The following VTA1 variants were observed in gnomAD, a reference collection of about 807,000 sequenced individuals.
The protein encoded by VTA1 is vacuolar protein sorting-associated protein VTA1 homolog.
A neutral mutation model predicts 36.9 loss-of-function variants in VTA1; 24 were observed. That is an observed-to-expected ratio of 0.65 (90% CI 0.47 to 0.91). The LOEUF (loss-of-function observed/expected upper bound fraction) is 0.91. VTA1 is among the 40% of genes least tolerant of loss of function. The pLI is 0.00. For missense variants in VTA1, 393 were observed against 377.2 expected, an observed-to-expected ratio of 1.04 and a Z score of -0.35; for synonymous variants, 142 against 130.2, an observed-to-expected ratio of 1.09 and a Z score of -0.62.
intron 6 of VTA1, among the ~76,000 whole-genome samples, chr6:142,200,030 C>T (rs528756648): frequency 5.9e-5 from 9 of 152,090 alleles, no homozygotes; most frequent in Non-Finnish European, 1.2e-4. Context: ...GAGTCCCAGA[C>T]ACAAGCATTC....
At position 142,224,026 on chromosome 6, in the gene VTA1, C is replaced by T. The variant is rs1011910140; in HGVS notation, c.*5383C>T. The T allele has an allele frequency of 6.6e-6, 1 of 152,096 alleles. No individual in the cohort carries two copies. The allele number at this position is 152,096 out of a possible 1,614,324, so 9.4% of individuals were successfully genotyped here. The stretch of plus-strand genomic sequence containing the variant: ...GACTAAATTGTATCCCTTCAGAATT[C>T]ATATTTTGAAGCACTGATCTCCAGT... On this transcript the variant is annotated 3_prime_UTR_variant, in exon 8 of 8. Coordinates refer to ENST00000367630, the MANE Select transcript of VTA1 (RefSeq NM_016485.5).
intron 4 of VTA1, among the ~76,000 whole-genome samples, chr6:142,172,686 G>A (rs1480385687): frequency 6.6e-6 from 1 of 152,102 alleles, no homozygotes; most frequent in East Asian, 1.9e-4. Flanking sequence ...TTACTAGTGT[G>A]AGGCACTATG....
At chr6:142,179,351 C>T (rs1387465028) in intron 4 of VTA1, among the ~76,000 whole-genome samples, 2 of 151,766 alleles carry the variant, frequency 1.3e-5, no homozygotes, top group Admixed American at 6.6e-5. Flanking sequence ...CCCTTTTACC[C>T]AGCAATTCCT....
rs530871893 is a variant in VTA1 at position 142,180,198 on chromosome 6, C to T, written c.412-9228C>T. ...GGAACCAGGACTTTCGTAAAAAGTG[C>T]TTAATCTAGGGCTAAGTCCAGGAAG... On this transcript the variant is annotated intron_variant, in intron 4 of 7. Coordinates refer to ENST00000367630, the MANE Select transcript of VTA1 (RefSeq NM_016485.5). 1.2e-4 allele frequency among the ~76,000 whole-genome samples: 18 copies of T among 152,266 alleles called. 2 individuals carry two copies. In the South Asian group the frequency reaches 3.7e-3, roughly 32 times the overall value.
Position 142,218,377 on chromosome 6 carries a change from A to G in VTA1, c.779-121A>G, listed in dbSNP as rs1776041127. 1.4e-5 allele frequency: 15 copies of G among 1,039,150 alleles called. No individual in the cohort carries two copies. In the South Asian group the frequency reaches 2.2e-4, roughly 15 times the overall value. The allele number at this position is 1,039,150 out of a possible 1,614,324, so 64.4% of individuals were successfully genotyped here. On this transcript the variant is annotated intron_variant, in intron 7 of 7. Transcript: ENST00000367630. ...TATCAAAGTTCATGTGAGATTGACT[A>G]AAACTACTGTTTTTACATAGCCTTA... is the stretch of plus-strand genomic sequence containing the variant.
In VTA1 at chr6:142,222,330, C is replaced by G. The variant is rs1161471355; in HGVS notation, c.*3687C>G. The G allele has an allele frequency of 2.0e-5, 3 of 152,150 alleles. No homozygotes were observed. The highest frequency in any genetic ancestry group is 7.2e-5 in the African/African-American group (3 of 41,428). The allele number at this position is 152,150 out of a possible 1,614,324, so 9.4% of individuals were successfully genotyped here. Reference sequence around the variant, plus strand: ...CAGAGGGAGAAGAAGAAATAAGGTTCTGCTGACAATGATTGCCACAGATAT... The same window carrying G: ...CAGAGGGAGAAGAAGAAATAAGGTTGTGCTGACAATGATTGCCACAGATAT... On this transcript the variant is annotated 3_prime_UTR_variant, in exon 8 of 8. Transcript: ENST00000367630.
At chr6:142,172,860 C>T (rs1761920485) in intron 4 of VTA1, among the ~76,000 whole-genome samples, 1 of 151,328 alleles carries the variant, frequency 6.6e-6, no homozygotes, top group African/African-American at 2.4e-5. Context: ...GGAAGACCTA[C>T]AATCTTCAGT....
intron 1 of VTA1, among the ~76,000 whole-genome samples, chr6:142,162,579 TCAAGCCCATTTG>T (rs1464000780): frequency 2.6e-5 from 4 of 152,174 alleles, no homozygotes; most frequent in Non-Finnish European, 5.9e-5. Context: ...AAAGCAAGTA[TCAAGCCCATTTG>T]AGACTGATAA....
At chr6:142,207,617 G>T (rs1239623911) in intron 7 of VTA1, among the ~76,000 whole-genome samples, 1 of 151,874 alleles carries the variant, frequency 6.6e-6, no homozygotes, top group Non-Finnish European at 1.5e-5. Flanking sequence ...GAGCTGAAAA[G>T]GAGGTAGCGA....
intron 4 of VTA1, among the ~76,000 whole-genome samples, chr6:142,175,985 T>A (rs1340558625): frequency 6.6e-6 from 1 of 152,202 alleles, no homozygotes; most frequent in Non-Finnish European, 1.5e-5. Context: ...TTTAATTAAA[T>A]TTGCTGTTAT....
chr6:142,169,705 T>G, intron 3 of VTA1, 28 bp downstream of exon 3: 1 of 1,500,724 alleles, frequency 6.7e-7, no homozygotes, highest in Non-Finnish European at 8.8e-7. Context: ...TAAAAATTAT[T>G]TTATTAATTT....
rs1776092793 is a variant in VTA1, at chr6:142,220,682, A to G, written c.*2039A>G. On this transcript the variant is annotated 3_prime_UTR_variant, in exon 8 of 8. Transcript: ENST00000367630. ...CCAGTGCTTAAAAACGCCTTCTTGC[A>G]TGAGGGGATTGAACTATACAATGTT... The G allele has an allele frequency of 6.6e-6, 1 of 152,142 alleles. No individual in the cohort carries two copies. Among genetic ancestry groups the G allele is most frequent in the Non-Finnish European group, 1.5e-5 (1 of 68,020 alleles). The allele number at this position is 152,142 out of a possible 1,614,324, so 9.4% of individuals were successfully genotyped here. A position where few individuals can be genotyped will look rare whatever the true frequency, so the allele number is the denominator to read the frequency against.
rs144699470 is a variant in VTA1, at chr6:142,204,535, A to C, written c.778+470A>C. On this transcript the variant is annotated intron_variant, in intron 7 of 7. Coordinates refer to ENST00000367630, the MANE Select transcript of VTA1 (RefSeq NM_016485.5). The stretch of plus-strand genomic sequence containing the variant: ...TAGGCTAAGTGATTGGTTTAAGTAT[A>C]ATCTTTACTACTTTTCTGATTTCTC... Among the ~76,000 whole-genome samples, 29 of 152,280 alleles carry C rather than the reference A, an allele frequency of 1.9e-4. 1 individual carries two copies. The highest frequency in any genetic ancestry group is 6.7e-4 in the African/African-American group (28 of 41,550).
At chr6:142,191,265 C>CA (rs1775450106) in intron 5 of VTA1, among the ~76,000 whole-genome samples, 1 of 152,094 alleles carries the variant, frequency 6.6e-6, no homozygotes, top group Admixed American at 6.5e-5. Context: ...TTTGTGAAAC[C>CA]AACTAGCTGT....
At chr6:142,208,848 A>T (rs993869527) in intron 7 of VTA1, among the ~76,000 whole-genome samples, 4 of 152,228 alleles carry the variant, frequency 2.6e-5, no homozygotes, top group African/African-American at 7.2e-5. Context: ...AGTCTTTCCC[A>T]GACACAAAAG....
At position 142,189,491 on chromosome 6, in the gene VTA1, G is replaced by A. The variant is rs758488224; in HGVS notation, c.477G>A (p.Gly159=). 33 of 1,613,776 alleles carry A rather than the reference G, an allele frequency of 2.0e-5. No homozygotes were observed. The highest frequency in any genetic ancestry group is 2.8e-5 in the Non-Finnish European group (33 of 1,179,942). The change falls in exon 5 of 8, where the codon GGG becomes GGA. Residue 159 remains glycine (G), a synonymous_variant. Coordinates refer to ENST00000367630, the MANE Select transcript of VTA1 (RefSeq NM_016485.5). ...ACATCCATAATTGTTTAAAGAATGG[G>A]GAGACTCCTCAAGCAGGCCCTGTTG... ...ATYIHNCLKN[G]ETPQAGPVGI...
At chr6:142,173,905 G>T (rs1048443013) in intron 4 of VTA1, among the ~76,000 whole-genome samples, 1 of 152,158 alleles carries the variant, frequency 6.6e-6, no homozygotes, top group African/African-American at 2.4e-5. Flanking sequence ...AGATATTAGG[G>T]TTACTAAAGA....
intron 1 of VTA1, among the ~76,000 whole-genome samples, chr6:142,163,517 A>C (rs1352620711): frequency 1.3e-5 from 2 of 152,154 alleles, no homozygotes; most frequent in Non-Finnish European, 2.9e-5. Flanking sequence ...CCAGTCCTAA[A>C]GAGGTATGTG....
chr6:142,213,183 G>A (rs1582906991), intron 7 of VTA1, among the ~76,000 whole-genome samples: 1 of 152,290 alleles, frequency 6.6e-6, no homozygotes, highest in Middle Eastern at 3.4e-3. Context: ...TTCTTAATGG[G>A]AGAAATTGGC....
Sources: allele counts gnomAD v4.1 joint callset (sites outside exome capture counted in the v4.1 genomes callset), GRCh38; gene constraint gnomAD v4.1.1; transcripts MANE v1.5; gene names NCBI Gene and HGNC (gene_info 2026-07-23, HGNC 2026-07-21).